The following LBX2 variants were observed in gnomAD, a reference collection of about 807,000 sequenced individuals.
LBX2 encodes the protein ladybird homeobox 2.
A neutral mutation model predicts 7.5 loss-of-function variants in LBX2; 6 were observed. The ratio of observed to expected loss-of-function variants is 0.80; its 90% CI spans 0.44 to 1.59. The LOEUF (loss-of-function observed/expected upper bound fraction) is 1.59. LBX2 is among the 40% of genes most tolerant of loss of function. The pLI is 0.01. For synonymous variants in LBX2, 143 were observed against 133.2 expected, an observed-to-expected ratio of 1.07 and a Z score of -0.51; for missense variants, 281 against 282.0, an observed-to-expected ratio of 1.00 and a Z score of 0.03.
At chr2:74,498,677 C>G in intron 1 of LBX2, 1 of 284,696 alleles carries the variant, frequency 3.5e-6, no homozygotes, top group East Asian at 6.7e-5. Flanking sequence ...AGGGTGACAT[C>G]AGAGGCGAGT....
chr2:74,498,551 T>C (rs936996258), intron 1 of LBX2: 2 of 554,742 alleles, frequency 3.6e-6, no homozygotes, highest in South Asian at 2.5e-5. Flanking sequence ...TGAGGGCATA[T>C]TGTAGGGGCA....
chr2:74,502,390 A>C, upstream of LBX2: 1 of 471,472 alleles, frequency 2.1e-6, no homozygotes, highest in East Asian at 3.7e-5. This position sits in a 1 kb window ranked among gnomAD's most constrained non-coding sequence, Gnocchi z 5.4. Flanking sequence ...ATTCCACTGA[A>C]TTCTGTGAAT....
At chr2:74,499,759 G>A (rs1361028461), upstream of LBX2, 2 of 597,690 alleles carry the variant, frequency 3.3e-6, no homozygotes, top group Middle Eastern at 4.5e-4. This position sits in a 1 kb window ranked among gnomAD's most constrained non-coding sequence, Gnocchi z 4.6. Flanking sequence ...TACAGGCTGG[G>A]GCAGGCGCGG....
chr2:74,498,289 C>A lies in LBX2; in HGVS notation c.235G>T (p.Gly79Cys). ...GRAGPDALGP[G>C]PFGRKRRKSR... ...TTGCGCCGTTTGCGGCCGAAGGGAC[C>A]AGGGCCCAGCGCGTCCGGACCTGCC... Residue 79 changes from glycine (G) to cysteine (C), a missense_variant, in exon 2 of 2, where the codon GGT becomes TGT. This residue lies in a region of LBX2 where 216 missense variants were observed against 208.7 expected (regional missense o/e 1.03). Coordinates refer to ENST00000377566, the MANE Select transcript of LBX2 (RefSeq NM_001282430.2). 6.4e-7 allele frequency: 1 copy of A among 1,567,388 alleles called. No homozygotes were observed.
At chr2:74,501,336 C>G (rs1336376146), upstream of LBX2, among the ~76,000 whole-genome samples, 1 of 152,132 alleles carries the variant, frequency 6.6e-6, no homozygotes, top group African/African-American at 2.4e-5. Context: ...GGAAACCATC[C>G]TAGTGGTTTC....
upstream of LBX2, chr2:74,499,705 C>T: frequency 1.5e-6 from 1 of 672,190 alleles, no homozygotes; most frequent in Non-Finnish European, 2.5e-6. This position sits in a 1 kb window ranked among gnomAD's most constrained non-coding sequence, Gnocchi z 4.6. Context: ...CCACCCCGGG[C>T]CGCGGTGGAT....
At chr2:74,499,974 G>C (rs1026026491), upstream of LBX2, among the ~76,000 whole-genome samples, 12 of 152,226 alleles carry the variant, frequency 7.9e-5, no homozygotes, top group South Asian at 6.2e-4. The surrounding 1 kb of genome is among the most constrained non-coding windows in gnomAD (Gnocchi z 4.6). Flanking sequence ...GATTTGCAAA[G>C]TTCTGAGGAA....
At position 74,499,520 on chromosome 2, in the gene LBX2, C is replaced by T; in HGVS notation, c.18G>A (p.Glu6=). ...TTAAGAGTGTCCGGGGTGTTCGGGG[C>T]TCGCGTCCCGAGTTCATGGTCGGCC... MNSGR[E]PRTPRTLLSI... is the part of the protein sequence containing the mutation. Residue 6 remains glutamate, a synonymous_variant, in exon 1 of 2, where the codon GAG becomes GAA. Transcript: ENST00000377566. The surrounding 1 kb of genome is among the most constrained non-coding windows in gnomAD (Gnocchi z 4.6). 1 of 1,548,792 alleles carries T rather than the reference C, an allele frequency of 6.5e-7. No homozygotes were observed. The highest frequency in any genetic ancestry group is 8.7e-7 in the Non-Finnish European group (1 of 1,146,066).
chr2:74,498,206 G>A lies in LBX2; in HGVS notation c.318C>T (p.Phe106=). The A allele has an allele frequency of 6.2e-7, 1 of 1,611,340 alleles. No homozygotes were observed. Among genetic ancestry groups the A allele is most frequent in the Non-Finnish European group, 8.5e-7 (1 of 1,179,520 alleles). The change falls in exon 2 of 2, where the codon TTC becomes TTT. Residue 106 remains phenylalanine, a synonymous_variant. Coordinates refer to ENST00000377566, the MANE Select transcript of LBX2 (RefSeq NM_001282430.2). ...GCTCGGACGGCGCCAGGTACTTCTG[G>A]AAGACGAAGCGCCGCTCCAGCTCCA... The part of the protein sequence containing the change: ...QVLELERRFV[F]QKYLAPSERD...
chr2:74,499,801 G>A, upstream of LBX2: 1 of 556,886 alleles, frequency 1.8e-6, no homozygotes. This position sits in a 1 kb window ranked among gnomAD's most constrained non-coding sequence, Gnocchi z 4.6. Flanking sequence ...ACCCACCAGA[G>A]CAGGGCCACG....
chr2:74,498,388 G>A (rs187254657), intron 1 of LBX2, 70 bp from the exon 2 acceptor site: 1 of 1,343,424 alleles, frequency 7.4e-7, no homozygotes, highest in East Asian at 2.6e-5. Context: ...GAAAAGTTGG[G>A]GGTGGGGTCG....
At position 74,498,126 on chromosome 2, in the gene LBX2, A is replaced by G. The variant is rs2104300904; in HGVS notation, c.398T>C (p.Phe133Ser). ...GLANAQVVTW[F>S]QNRRAKLKRD... ...CTTGAGCTTGGCTCGCCGGTTCTGG[A>G]ACCAAGTGACCACCTGCGCGTTGGC... The change falls in exon 2 of 2, where the codon TTC becomes TCC. Residue 133 changes from phenylalanine to serine, a missense_variant. Around this residue, in one of 3 missense-constraint regions of LBX2, gnomAD observed 216 missense variants for 208.7 expected, o/e 1.03. Transcript: ENST00000377566. The G allele has an allele frequency of 6.2e-7, 1 of 1,612,222 alleles. No individual in the cohort carries two copies. The highest frequency in any genetic ancestry group is 1.7e-4 in the Middle Eastern group (1 of 6,052).
chr2:74,499,413 G>T lies in LBX2; in HGVS notation c.125C>A (p.Thr42Lys), dbSNP rs954409110. ...PQLPESGPGP[T>K]SPLCALEELT... is the part of the protein sequence containing the mutation. ...CTCCTCCAGCGCGCACAGCGGCGACGTTGGACCCGGACCCGACTCTGGAAG... is the reference window on the plus strand; with the variant it reads ...CTCCTCCAGCGCGCACAGCGGCGACTTTGGACCCGGACCCGACTCTGGAAG... The change falls in exon 1 of 2, where the codon ACG (threonine) becomes AAG (lysine). Residue 42 changes from threonine (T) to lysine (K), a missense_variant. Physicochemically the swap from Thr to Lys is moderately conservative, Grantham distance 78 (BLOSUM62 -1). Around this residue, in one of 3 missense-constraint regions of LBX2, gnomAD observed 216 missense variants for 208.7 expected, o/e 1.03. Transcript: ENST00000377566. This position sits in a 1 kb window ranked among gnomAD's most constrained non-coding sequence, Gnocchi z 4.6. 1.3e-6 allele frequency: 2 copies of T among 1,550,620 alleles called. No homozygotes were observed. Among genetic ancestry groups the T allele is most frequent in the Non-Finnish European group, 8.7e-7 (1 of 1,146,998 alleles).
At chr2:74,502,820 A>T (rs1345137911), upstream of LBX2, 2 of 1,612,030 alleles carry the variant, frequency 1.2e-6, no homozygotes, top group Non-Finnish European at 1.7e-6. The surrounding 1 kb of genome is among the most constrained non-coding windows in gnomAD (Gnocchi z 5.4). Flanking sequence ...TCTCCCCCCA[A>T]CTCCCCAAGA....
chr2:74,501,133 C>A (rs1674476497), upstream of LBX2, among the ~76,000 whole-genome samples: 1 of 152,174 alleles, frequency 6.6e-6, no homozygotes, highest in Non-Finnish European at 1.5e-5. Flanking sequence ...CCTCCCCCAC[C>A]CGCAACATTC....
upstream of LBX2, chr2:74,502,881 CAGGCTGAGAG>C: frequency 6.3e-7 from 1 of 1,581,100 alleles, no homozygotes; most frequent in South Asian, 1.1e-5. This position sits in a 1 kb window ranked among gnomAD's most constrained non-coding sequence, Gnocchi z 5.4. Flanking sequence ...AAAGACTGGC[CAGGCTGAGAG>C]AGGGACCCGT....
upstream of LBX2, chr2:74,502,672 G>T: frequency 6.2e-7 from 1 of 1,613,906 alleles, no homozygotes; most frequent in Non-Finnish European, 8.5e-7. This position sits in a 1 kb window ranked among gnomAD's most constrained non-coding sequence, Gnocchi z 5.4. Flanking sequence ...GTGACTTTGG[G>T]GGCGGCAGGC....
rs748933379 is a variant in LBX2 at position 74,499,402 on chromosome 2, A to T, written c.136T>A (p.Cys46Ser). 3 of 1,550,632 alleles carry T rather than the reference A, an allele frequency of 1.9e-6. No individual in the cohort carries two copies. Among genetic ancestry groups the T allele is most frequent in the Non-Finnish European group, 1.7e-6 (2 of 1,146,990 alleles). ...ESGPGPTSPL[C>S]ALEELTSKTF... Reference sequence around the variant, plus strand: ...TTACTAGTCAGCTCCTCCAGCGCGCACAGCGGCGACGTTGGACCCGGACCC... The same window carrying T: ...TTACTAGTCAGCTCCTCCAGCGCGCTCAGCGGCGACGTTGGACCCGGACCC... Residue 46 changes from cysteine to serine, a missense_variant, in exon 1 of 2, where the codon TGC (cysteine) becomes AGC (serine). Cys to Ser is a moderately radical substitution (Grantham distance 112). Around this residue, in one of 3 missense-constraint regions of LBX2, gnomAD observed 216 missense variants for 208.7 expected, o/e 1.03. Transcript: ENST00000377566. The surrounding 1 kb of genome is among the most constrained non-coding windows in gnomAD (Gnocchi z 4.6).
chr2:74,499,741 G>T (rs1674446076), upstream of LBX2: 4 of 614,060 alleles, frequency 6.5e-6, no homozygotes, highest in South Asian at 7.9e-5. This position sits in a 1 kb window ranked among gnomAD's most constrained non-coding sequence, Gnocchi z 4.6. Flanking sequence ...GTCCGGGGAG[G>T]GTATTTCTAC....
Sources: gnomAD v4.1 joint callset for allele counts (sites outside exome capture counted in the v4.1 genomes callset) on GRCh38, gnomAD v4.1.1 for gene constraint, gnomAD v4.1.1 regional missense constraint, Gnocchi (gnomAD v3.1) non-coding constraint, MANE v1.5 for transcripts, NCBI Gene and HGNC (gene_info 2026-07-23, HGNC 2026-07-21) for gene names.